The following DGKZ variants were observed in gnomAD, a reference collection of about 807,000 sequenced individuals.
The protein encoded by DGKZ is diacylglycerol kinase zeta.
Under a neutral mutation model 142.5 loss-of-function variants are expected in DGKZ, and 45 were observed. That is an observed-to-expected ratio of 0.32 (90% CI 0.25 to 0.40). DGKZ has a LOEUF of 0.40. Among genes scored for constraint, DGKZ ranks in the 10% least tolerant of loss-of-function variants. The pLI, the probability that DGKZ is intolerant of heterozygous loss-of-function variation, is 1.00. For missense variants in DGKZ, 755 were observed against 1,306.5 expected (o/e 0.58, Z 6.51); for synonymous variants, 442 against 527.0 (o/e 0.84, Z 2.21).
chr11:46,368,338 G>C, intron 4 of DGKZ: 1 of 528,680 alleles, frequency 1.9e-6, no homozygotes, highest in Non-Finnish European at 3.5e-6. Context: ...ATGAATTGAC[G>C]AATGGTGGCC....
intron 1 of DGKZ, among the ~76,000 whole-genome samples, chr11:46,338,279 C>G (rs889997442): frequency 1.4e-4 from 21 of 151,964 alleles, no homozygotes; most frequent in Admixed American, 1.2e-3. Context: ...GGTGGATCAC[C>G]TAGCTCAGGA....
chr11:46,371,195 C>T (rs1943906258), intron 6 of DGKZ, 118 bp from the exon 7 acceptor site: 1 of 975,598 alleles, frequency 1.0e-6, no homozygotes, highest in East Asian at 2.4e-5. Flanking sequence ...AGTTTGAGAC[C>T]AGCCTGGGCA....
rs192595851 is a variant in DGKZ at position 46,371,611 on chromosome 11, C to T, written c.759+8C>T. ...CGCGCCCGGAGGCCCCAGGTGAGTA[C>T]TGCCTGCACCCTTGATGCCCCGTAC... On this transcript the variant is annotated splice_region_variant and intron_variant, in intron 8 of 30. Coordinates refer to ENST00000527911, the Ensembl canonical transcript of DGKZ. The T allele has an allele frequency of 2.7e-4, 443 of 1,612,706 alleles. 2 individuals are homozygous for T. In the Middle Eastern group the frequency reaches 3.3e-3, roughly 12 times the overall value.
At chr11:46,378,429 C>T in intron 26 of DGKZ, 28 bp from the exon 27 acceptor site, 1 of 1,577,174 alleles carries the variant, frequency 6.3e-7, no homozygotes, top group Non-Finnish European at 8.6e-7. Context: ...CCTCCGACTG[C>T]AGAGTAACAG....
chr11:46,379,342 G>T (rs1461869635), intron 29 of DGKZ, 106 bp downstream of exon 29: 1 of 1,578,804 alleles, frequency 6.3e-7, no homozygotes, highest in Non-Finnish European at 8.6e-7. Context: ...GGTCACATCT[G>T]TCATCCCCTG....
At chr11:46,360,534 TC>T (rs1361224881) in intron 1 of DGKZ, among the ~76,000 whole-genome samples, 2 of 149,362 alleles carry the variant, frequency 1.3e-5, no homozygotes, top group East Asian at 3.9e-4. Context: ...ATGCCTGTAA[TC>T]CTAGCACTTT....
chr11:46,364,453 TC>T, intron 1 of DGKZ: 1 of 1,278,342 alleles, frequency 7.8e-7, no homozygotes, highest in Non-Finnish European at 1.0e-6. Flanking sequence ...CCCCTGCAGC[TC>T]CCTCCGGCCC....
chr11:46,379,580 G>C lies in DGKZ; in HGVS notation c.2688+12G>C. On this transcript the variant is annotated intron_variant, in intron 30 of 30. Transcript: ENST00000527911. ...AGACAGACCAGCAGGTGAGCAGACGGCAGGCAGGGAGCCCACGAGGGCACC... is the reference window on the plus strand; with the variant it reads ...AGACAGACCAGCAGGTGAGCAGACGCCAGGCAGGGAGCCCACGAGGGCACC... 1 of 1,598,684 alleles carries C rather than the reference G, an allele frequency of 6.3e-7. No homozygotes were observed. The highest frequency in any genetic ancestry group is 1.3e-5 in the African/African-American group (1 of 74,710).
chr11:46,336,059 G>C (rs967609537), intron 1 of DGKZ, among the ~76,000 whole-genome samples: 3 of 152,224 alleles, frequency 2.0e-5, no homozygotes, highest in Non-Finnish European at 2.9e-5. Context: ...GAGCGAAAAG[G>C]CTTTTAGACA....
At chr11:46,334,150 G>A (rs1430196514) in intron 1 of DGKZ, among the ~76,000 whole-genome samples, 1 of 152,174 alleles carries the variant, frequency 6.6e-6, no homozygotes, top group Non-Finnish European at 1.5e-5. Flanking sequence ...GGCCCCAGAG[G>A]TCATTTTGGT....
intron 1 of DGKZ, among the ~76,000 whole-genome samples, chr11:46,357,821 G>A (rs964333655): frequency 9.8e-5 from 15 of 152,380 alleles, no homozygotes; most frequent in African/African-American, 3.6e-4. Context: ...GCAGGCAGCT[G>A]CTTATCAGGT....
At chr11:46,345,130 C>A, upstream of DGKZ, 1 of 549,324 alleles carries the variant, frequency 1.8e-6, no homozygotes, top group Non-Finnish European at 2.7e-6. This position sits in a 1 kb window ranked among gnomAD's most constrained non-coding sequence, Gnocchi z 4.1. Flanking sequence ...GAAAATCAGA[C>A]AGTTTAAATG....
At chr11:46,369,200 A>G (rs1943668515) in intron 4 of DGKZ, 7 of 491,452 alleles carry the variant, frequency 1.4e-5, no homozygotes, top group Non-Finnish European at 2.6e-5. Context: ...AAAAAAAAAC[A>G]ACGAGCAAAC....
At chr11:46,365,480 T>C in intron 1 of DGKZ, 1 of 985,402 alleles carries the variant, frequency 1.0e-6, no homozygotes, top group Non-Finnish European at 1.2e-6. Context: ...CCAAGCCTAT[T>C]GTCACGGCCC....
Position 46,367,119 on chromosome 11 carries a change from A to G in DGKZ, c.162-172A>G. 2 of 1,299,592 alleles carry G rather than the reference A, an allele frequency of 1.5e-6. No homozygotes were observed. The highest frequency in any genetic ancestry group is 2.1e-6 in the Non-Finnish European group (2 of 935,042). 80.5% of individuals were successfully genotyped at this position (1,299,592 alleles called of 1,614,324 possible). On this transcript the variant is annotated intron_variant, in intron 1 of 30. Coordinates refer to ENST00000527911, the Ensembl canonical transcript of DGKZ. The surrounding 1 kb of genome is among the most constrained non-coding windows in gnomAD (Gnocchi z 4.1). Reference sequence around the variant, plus strand: ...CTGGGCAGTACCCTGAAGCCAGCGTACCCCAAAAGGCCATGTCTCTTGCAG... The same window carrying G: ...CTGGGCAGTACCCTGAAGCCAGCGTGCCCCAAAAGGCCATGTCTCTTGCAG...
At chr11:46,345,504 A>G, upstream of DGKZ, 2 of 1,516,076 alleles carry the variant, frequency 1.3e-6, no homozygotes, top group Admixed American at 2.3e-5. The surrounding 1 kb of genome is among the most constrained non-coding windows in gnomAD (Gnocchi z 4.1). Flanking sequence ...GAAGAAGGGG[A>G]GCGGCCGGGG....
chr11:46,336,174 C>G (rs1311017572), intron 1 of DGKZ, among the ~76,000 whole-genome samples: 1 of 152,208 alleles, frequency 6.6e-6, no homozygotes, highest in Non-Finnish European at 1.5e-5. Flanking sequence ...TGGCAGGACA[C>G]TAGAAGCTTA....
intron 14 of DGKZ, among the ~76,000 whole-genome samples, 190 bp from the exon 15 acceptor site, chr11:46,373,967 C>G (rs568908437): frequency 6.6e-6 from 1 of 152,360 alleles, no homozygotes; most frequent in South Asian, 2.1e-4. Context: ...GCAGGGAAAT[C>G]CCCCAGGAGC....
chr11:46,367,546 G>A lies in DGKZ; in HGVS notation c.271-106G>A. On this transcript the variant is annotated intron_variant, in intron 2 of 30. Transcript: ENST00000527911. This position sits in a 1 kb window ranked among gnomAD's most constrained non-coding sequence, Gnocchi z 4.1. ...CAGACGGAACAGAGCAGGGTCGATC[G>A]GGGCGCTGGAGTGGGTTTGTCTTGG... The A allele has an allele frequency of 3.1e-6, 4 of 1,276,686 alleles. No homozygotes were observed. In the South Asian group the frequency reaches 4.3e-5, roughly 14 times the overall value. The allele number at this position is 1,276,686 out of a possible 1,614,324, so 79.1% of individuals were successfully genotyped here.
Sources: allele counts gnomAD v4.1 joint callset (sites outside exome capture counted in the v4.1 genomes callset), GRCh38; gene constraint gnomAD v4.1.1; non-coding constraint Gnocchi (gnomAD v3.1); transcripts MANE v1.5; gene names NCBI Gene and HGNC (gene_info 2026-07-23, HGNC 2026-07-21).